The following CDADC1 variants were observed in gnomAD, a reference collection of about 807,000 sequenced individuals.
CDADC1 encodes cytidine and dCMP deaminase domain containing 1, also known as dCTP deaminase.
A neutral mutation model predicts 54.9 loss-of-function variants in CDADC1; 39 were observed. The ratio of observed to expected loss-of-function variants is 0.71; its 90% CI spans 0.55 to 0.93. The LOEUF (loss-of-function observed/expected upper bound fraction) is 0.93. Ranked by LOEUF, CDADC1 falls within the 40% of genes least tolerant of loss-of-function variation. The pLI is 0.00. For synonymous variants in CDADC1, 186 were observed against 204.0 expected (o/e 0.91, Z 0.75); for missense variants, 518 against 618.8 (o/e 0.84, Z 1.73).
At chr13:49,274,670 CAA>C (rs1368622813) in intron 6 of CDADC1, among the ~76,000 whole-genome samples, 6 of 139,698 alleles carry the variant, frequency 4.3e-5, no homozygotes, top group Non-Finnish European at 7.8e-5. Context: ...GACTCCGTCT[CAA>C]AAAAAAAAAA....
chr13:49,258,915 C>G (rs541141374), intron 3 of CDADC1, among the ~76,000 whole-genome samples: 313 of 152,290 alleles, frequency 2.1e-3, no homozygotes, highest in Non-Finnish European at 2.9e-3. Flanking sequence ...GTGGGTCTTT[C>G]AGAAAGTCAT....
chr13:49,277,924 A>G (rs1291883297), intron 6 of CDADC1, among the ~76,000 whole-genome samples: 1 of 152,248 alleles, frequency 6.6e-6, no homozygotes, highest in African/African-American at 2.4e-5. Flanking sequence ...CACAGAGCAC[A>G]TAAGAAATTA....
Position 49,248,874 on chromosome 13 carries a change from A to G in CDADC1, c.86A>G (p.Gln29Arg). 6.3e-7 allele frequency: 1 copy of G among 1,591,666 alleles called. No individual in the cohort carries two copies. Among genetic ancestry groups the G allele is most frequent in the Non-Finnish European group, 8.6e-7 (1 of 1,159,484 alleles). ...GTGTTTGTCGTCTCTTTTGTAGGTC[A>G]GATACCAAGGCTTTCTAAAGTCAAC... ...VSTQTGSMTG[Q>R]IPRLSKVNLF... Residue 29 changes from glutamine (Q) to arginine (R), a missense_variant, in exon 2 of 10, where the codon CAG becomes CGG. Gln to Arg is a conservative substitution (Grantham distance 43, BLOSUM62 1). Coordinates refer to ENST00000251108, the MANE Select transcript of CDADC1 (RefSeq NM_030911.4).
intron 9 of CDADC1, 105 bp from the exon 10 acceptor site, chr13:49,291,578 TC>T (rs1383431471): frequency 2.2e-6 from 2 of 922,020 alleles, no homozygotes; most frequent in African/African-American, 3.5e-5. Context: ...AAGTGAAAGT[TC>T]CTTTAACTTA....
rs376196398 is a variant in CDADC1 at position 49,259,409 on chromosome 13, G to A, written c.316G>A (p.Glu106Lys). Residue 106 changes from glutamate to lysine, a missense_variant, in exon 4 of 10, where the codon GAA (glutamate) becomes AAA (lysine). Physicochemically the swap from Glu to Lys is moderately conservative, Grantham distance 56. Coordinates refer to ENST00000251108, the MANE Select transcript of CDADC1 (RefSeq NM_030911.4). Reference sequence around the variant, plus strand: ...AATTGTTGGTCTCCACTGTTCTAGTGAAGATTTACATGCCGGGCAGATTGC... The same window carrying A: ...AATTGTTGGTCTCCACTGTTCTAGTAAAGATTTACATGCCGGGCAGATTGC... ...MKIVGLHCSS[E>K]DLHAGQIALI... The A allele has an allele frequency of 8.1e-6, 13 of 1,614,158 alleles. No individual in the cohort carries two copies. The African/African-American group carries it at 1.2e-4, about 15-fold the overall frequency.
At chr13:49,271,809 C>G (rs1952971165) in intron 5 of CDADC1, among the ~76,000 whole-genome samples, 1 of 152,092 alleles carries the variant, frequency 6.6e-6, no homozygotes, top group Admixed American at 6.5e-5. Flanking sequence ...TTGACCTTTC[C>G]TTCAAAGTTG....
rs376507063 is a variant in CDADC1, at chr13:49,267,597, T to C, written c.538T>C (p.Leu180=). 1.9e-5 allele frequency: 30 copies of C among 1,614,158 alleles called. No homozygotes were observed. The highest frequency in any genetic ancestry group is 2.5e-5 in the Non-Finnish European group (29 of 1,179,994). ...GTTAGATGCCAAAGCAGTGGAAAGA[T>C]TGAAGTCAAACAGTCGGGCCCATGT... The part of the protein sequence containing the change: ...AKLDAKAVER[L]KSNSRAHVCV... Residue 180 remains leucine (L), a synonymous_variant, in exon 5 of 10, where the codon TTG becomes CTG. Transcript: ENST00000251108.
intron 2 of CDADC1, among the ~76,000 whole-genome samples, chr13:49,253,175 A>T (rs1240571978): frequency 2.6e-5 from 4 of 152,224 alleles, no homozygotes; most frequent in Admixed American, 2.0e-4. Context: ...TGCTTTTGAT[A>T]CTTTACCAAC....
intron 6 of CDADC1, among the ~76,000 whole-genome samples, chr13:49,277,047 T>C (rs191781590): frequency 7.9e-5 from 12 of 152,294 alleles, no homozygotes; most frequent in African/African-American, 2.9e-4. Context: ...TCTGGCTATG[T>C]TACTTACTCA....
chr13:49,286,440 TCTAC>T (rs1201348604), intron 9 of CDADC1, among the ~76,000 whole-genome samples, 158 bp downstream of exon 9: 4 of 152,242 alleles, frequency 2.6e-5, no homozygotes, highest in Non-Finnish European at 5.9e-5. Flanking sequence ...TATTTGTGGG[TCTAC>T]CATATGCTAG....
At chr13:49,256,038 G>T in intron 3 of CDADC1, 125 bp downstream of exon 3, 1 of 1,328,422 alleles carries the variant, frequency 7.5e-7, no homozygotes, top group South Asian at 1.8e-5. Context: ...TTCTAAAAAT[G>T]GTCTGTATAT....
At chr13:49,291,473 A>G (rs1022254963) in intron 9 of CDADC1, among the ~76,000 whole-genome samples, 4 of 152,188 alleles carry the variant, frequency 2.6e-5, no homozygotes, top group Non-Finnish European at 4.4e-5. Flanking sequence ...CACCCGGCCA[A>G]TGTGAATCCA....
intron 6 of CDADC1, among the ~76,000 whole-genome samples, chr13:49,277,690 G>C (rs1484472247): frequency 6.6e-6 from 1 of 151,986 alleles, no homozygotes; most frequent in Non-Finnish European, 1.5e-5. Flanking sequence ...TCTAATAATT[G>C]ATAAAGCATT....
At chr13:49,279,256 T>C (rs1278831190) in intron 7 of CDADC1, among the ~76,000 whole-genome samples, 2 of 152,136 alleles carry the variant, frequency 1.3e-5, no homozygotes, top group African/African-American at 4.8e-5. Flanking sequence ...CCTCGTGCTG[T>C]GGATTCTGTG....
rs1380130599 is a variant in CDADC1 at position 49,292,755 on chromosome 13, G to A, written c.*998G>A. The A allele has an allele frequency of 1.6e-6, 2 of 1,273,108 alleles. No homozygotes were observed. The highest frequency in any genetic ancestry group is 2.0e-6 in the Non-Finnish European group (2 of 982,500). 78.9% of individuals were successfully genotyped at this position (1,273,108 alleles called of 1,614,324 possible). On this transcript the variant is annotated 3_prime_UTR_variant, in exon 10 of 10. Coordinates refer to ENST00000251108, the MANE Select transcript of CDADC1 (RefSeq NM_030911.4). ...TCAGAAAATTATTCCAAAAATGAAG[G>A]TACATTTTCTGTTCTCTCCTAGGTT...
In CDADC1 at chr13:49,278,339, C is replaced by T; in HGVS notation, c.1051-11C>T. 1 of 1,495,440 alleles carries T rather than the reference C, an allele frequency of 6.7e-7. No homozygotes were observed. Among genetic ancestry groups the T allele is most frequent in the Non-Finnish European group, 9.0e-7 (1 of 1,105,688 alleles). The allele number at this position is 1,495,440 out of a possible 1,614,324, so 92.6% of individuals were successfully genotyped here. A position where few individuals can be genotyped will look rare whatever the true frequency, so the allele number is the denominator to read the frequency against. On this transcript the variant is annotated splice_polypyrimidine_tract_variant and intron_variant, in intron 6 of 9. Coordinates refer to ENST00000251108, the MANE Select transcript of CDADC1 (RefSeq NM_030911.4). ...TGTTGAAACTAACCATTGGTTTGCT[C>T]ACTCTCGTAGAGAAGTTGTGATGGA... is the stretch of plus-strand genomic sequence containing the variant.
At chr13:49,275,744 G>T (rs922458220) in intron 6 of CDADC1, among the ~76,000 whole-genome samples, 41 of 16,788 alleles carry the variant, frequency 2.4e-3, no homozygotes, top group South Asian at 3.1e-3. Flanking sequence ...GAGAGAGAGA[G>T]AGAGAGAGAG....
At chr13:49,291,592 C>A in intron 9 of CDADC1, 92 bp from the exon 10 acceptor site, 1 of 1,065,232 alleles carries the variant, frequency 9.4e-7, no homozygotes, top group African/African-American at 2.3e-5. Context: ...TTAACTTAAG[C>A]ATTGTTTTGC....
Position 49,268,060 on chromosome 13 carries a change from G to C in CDADC1, c.1000+1G>C, listed in dbSNP as rs1252266176. 6.2e-7 allele frequency: 1 copy of C among 1,605,456 alleles called. No individual in the cohort carries two copies. Among genetic ancestry groups the C allele is most frequent in the Admixed American group, 1.7e-5 (1 of 59,812 alleles). ...GCCAGGTTATTGGCATATCGAACTG[G>C]TGAGTTACATAGATCGTAAATTGGG... On this transcript the variant is annotated splice_donor_variant, in intron 5 of 9. Coordinates refer to ENST00000251108, the MANE Select transcript of CDADC1 (RefSeq NM_030911.4). LOFTEE classifies it high-confidence loss of function.
Sources: gnomAD v4.1 joint callset for allele counts (sites outside exome capture counted in the v4.1 genomes callset) on GRCh38, gnomAD v4.1.1 for gene constraint, MANE v1.5 for transcripts, NCBI Gene and HGNC (gene_info 2026-07-23, HGNC 2026-07-21) for gene names.